The following NPAS3 variants were observed in gnomAD, a reference collection of about 807,000 sequenced individuals.
NPAS3 encodes the protein neuronal PAS domain protein 3, also known as neuronal PAS domain-containing protein 3.
A neutral mutation model predicts 73.1 loss-of-function variants in NPAS3; 14 were observed. The ratio of observed to expected loss-of-function variants is 0.19; its 90% confidence interval spans 0.13 to 0.30. The LOEUF (loss-of-function observed/expected upper bound fraction) is 0.30, where lower values mean the gene tolerates loss of function less well. NPAS3 is among the 10% of genes least tolerant of loss of function. The pLI is 1.00. For missense variants in NPAS3, 1,096 were observed against 1,250.0 expected (o/e 0.88, Z 1.86); for synonymous variants, 620 against 541.5 (o/e 1.14, Z -2.01).
chr14:32,978,651 G>A (rs78851893), intron 1 of NPAS3, among the ~76,000 whole-genome samples: 24 of 152,178 alleles, frequency 1.6e-4, no homozygotes, highest in Admixed American at 9.8e-4. Context: ...TCTCCAAAAC[G>A]TTTTATTTTC....
intron 3 of NPAS3, among the ~76,000 whole-genome samples, chr14:33,232,472 T>A (rs1458350746): frequency 6.6e-6 from 1 of 152,222 alleles, no homozygotes; most frequent in Non-Finnish European, 1.5e-5. Context: ...TGAGATGACT[T>A]GCGCAGTGTT....
intron 4 of NPAS3, among the ~76,000 whole-genome samples, chr14:33,429,872 T>C (rs1594892426): frequency 6.6e-6 from 1 of 152,272 alleles, no homozygotes; most frequent in South Asian, 2.1e-4. Context: ...ATGTAGAAAA[T>C]TGCAAAGCTA....
At chr14:33,752,991 C>G (rs931801919) in intron 7 of NPAS3, among the ~76,000 whole-genome samples, 45 of 152,212 alleles carry the variant, frequency 3.0e-4, no homozygotes, top group African/African-American at 1.1e-3. Context: ...CATTGATGCC[C>G]CAATCTGTGC....
intron 5 of NPAS3, among the ~76,000 whole-genome samples, chr14:33,604,391 T>G (rs922562552): frequency 6.6e-6 from 1 of 151,974 alleles, no homozygotes; most frequent in African/African-American, 2.4e-5. Flanking sequence ...AGATTTCAGA[T>G]CAAAGAATAT....
At chr14:33,048,639 T>C (rs2040595655) in intron 1 of NPAS3, among the ~76,000 whole-genome samples, 2 of 152,212 alleles carry the variant, frequency 1.3e-5, no homozygotes, top group African/African-American at 4.8e-5. Flanking sequence ...GTCTTTTGTT[T>C]CTTTGTGTAG....
At chr14:33,632,755 T>C (rs1032183661) in intron 5 of NPAS3, among the ~76,000 whole-genome samples, 2 of 152,200 alleles carry the variant, frequency 1.3e-5, no homozygotes, top group African/African-American at 4.8e-5. Context: ...TTTTACCAAC[T>C]CATACTGGAG....
intron 5 of NPAS3, among the ~76,000 whole-genome samples, chr14:33,674,300 T>G (rs2059693799): frequency 6.6e-6 from 1 of 152,198 alleles, no homozygotes; most frequent in Non-Finnish European, 1.5e-5. Flanking sequence ...AAATGCACAT[T>G]GAAGTATTAA....
At chr14:33,532,214 A>T (rs919953944) in intron 4 of NPAS3, among the ~76,000 whole-genome samples, 1 of 151,836 alleles carries the variant, frequency 6.6e-6, no homozygotes, top group Non-Finnish European at 1.5e-5. Context: ...CAGTAAATCA[A>T]CTCCATTACT....
intron 7 of NPAS3, among the ~76,000 whole-genome samples, chr14:33,746,171 T>TTTATTTATTTA (rs747188281): frequency 1.0e-4 from 15 of 144,458 alleles, no homozygotes; most frequent in African/African-American, 3.6e-4. Flanking sequence ...TTTTATTTTA[T>TTTATTTATTTA]TTTATTTATT....
chr14:32,989,597 A>ATG lies in NPAS3; in HGVS notation c.50+50231_50+50232insTG, dbSNP rs1277817198. Among the ~76,000 whole-genome samples the ATG allele has an allele frequency of 6.6e-4, 100 of 152,256 alleles. 2 individuals are homozygous for ATG. The East Asian group carries it at 0.016, about 25-fold the overall frequency. On this transcript the variant is annotated intron_variant, in intron 1 of 11. Coordinates refer to ENST00000356141, the Ensembl canonical transcript of NPAS3. ...GGGGCGGAGCCTGCAGTGAGCCGAG[A>ATG]GCCCGCCACTGCACTCCAGCCTGGG...
chr14:33,013,893 C>T (rs947154471), intron 1 of NPAS3, among the ~76,000 whole-genome samples: 13 of 152,062 alleles, frequency 8.5e-5, no homozygotes, highest in Admixed American at 7.9e-4. Context: ...TAAATATTGT[C>T]AAACCGCTCT....
At chr14:33,206,990 T>C (rs1453046563) in intron 2 of NPAS3, among the ~76,000 whole-genome samples, 1 of 152,174 alleles carries the variant, frequency 6.6e-6, no homozygotes, top group Non-Finnish European at 1.5e-5. Flanking sequence ...AAGTTACACA[T>C]GTGTGCTCAC....
chr14:32,968,396 A>G (rs901573505), intron 1 of NPAS3, among the ~76,000 whole-genome samples: 1 of 152,172 alleles, frequency 6.6e-6, no homozygotes, highest in Admixed American at 6.5e-5. Flanking sequence ...AAAACTTCCT[A>G]ATGTACCTGT....
At chr14:33,604,923 G>C (rs1189637259) in intron 5 of NPAS3, among the ~76,000 whole-genome samples, 1 of 151,970 alleles carries the variant, frequency 6.6e-6, no homozygotes, top group Non-Finnish European at 1.5e-5. Context: ...AATGTAAAAC[G>C]TATCAGAATT....
intron 2 of NPAS3, among the ~76,000 whole-genome samples, chr14:33,165,054 A>G (rs770930991): frequency 6.6e-6 from 1 of 152,128 alleles, no homozygotes; most frequent in Non-Finnish European, 1.5e-5. Flanking sequence ...AGTTTAGCAG[A>G]GTGTAAGTCA....
chr14:33,069,129 G>C (rs2041389741), intron 2 of NPAS3, among the ~76,000 whole-genome samples: 1 of 152,148 alleles, frequency 6.6e-6, no homozygotes, highest in Non-Finnish European at 1.5e-5. Flanking sequence ...GCATAATCAA[G>C]GTGTGATTTG....
chr14:32,969,733 T>C (rs1350509427), intron 1 of NPAS3, among the ~76,000 whole-genome samples: 1 of 152,210 alleles, frequency 6.6e-6, no homozygotes, highest in Non-Finnish European at 1.5e-5. Context: ...CCTTGTAGAC[T>C]TTGTAAAAAT....
At chr14:33,693,174 T>C (rs898906894) in intron 6 of NPAS3, among the ~76,000 whole-genome samples, 1 of 152,214 alleles carries the variant, frequency 6.6e-6, no homozygotes, top group Admixed American at 6.5e-5. Flanking sequence ...GTGGTATCAA[T>C]TTGTTGTTTT....
At chr14:32,991,737 G>T (rs975541617) in intron 1 of NPAS3, among the ~76,000 whole-genome samples, 2 of 152,104 alleles carry the variant, frequency 1.3e-5, no homozygotes, top group South Asian at 4.1e-4. Context: ...ATATCATTCA[G>T]GGTTGGTTAA....
Sources: allele counts gnomAD v4.1 joint callset (sites outside exome capture counted in the v4.1 genomes callset), GRCh38; gene constraint gnomAD v4.1.1; transcripts MANE v1.5; gene names NCBI Gene and HGNC (gene_info 2026-07-23, HGNC 2026-07-21).